Variants in DLG2 observed in about 807,000 individuals in gnomAD.
DLG2 encodes the protein disks large homolog 2.
Under a neutral mutation model 132.5 loss-of-function variants are expected in DLG2, and 45 were observed. That is an observed-to-expected ratio of 0.34 (90% CI 0.27 to 0.44). The LOEUF (loss-of-function observed/expected upper bound fraction) is 0.44. DLG2 is among the 20% of genes least tolerant of loss of function. DLG2 has a pLI of 1.00. For synonymous variants in DLG2, 424 were observed against 419.6 expected (o/e 1.01, Z -0.13); for missense variants, 1,045 against 1,196.9 (o/e 0.87, Z 1.87).
At chr11:85,244,799 T>A (rs943180283) in intron 4 of DLG2, among the ~76,000 whole-genome samples, 10 of 152,010 alleles carry the variant, frequency 6.6e-5, no homozygotes, top group African/African-American at 1.7e-4. Context: ...GATGGTTCAA[T>A]GATTTCTGTG....
chr11:84,273,339 T>TCTGTTA (rs1331683987), intron 7 of DLG2: 1 of 1,322,040 alleles, frequency 7.6e-7, no homozygotes, highest in Non-Finnish European at 9.6e-7. Flanking sequence ...ACCCTGCAGA[T>TCTGTTA]CTGTTACATA....
chr11:85,339,148 T>G (rs1489431996), intron 3 of DLG2, among the ~76,000 whole-genome samples: 1 of 152,196 alleles, frequency 6.6e-6, no homozygotes, highest in East Asian at 1.9e-4. Flanking sequence ...TATTTGACAG[T>G]GTGTTCTGAA....
At chr11:84,760,297 T>G (rs1351351013) in intron 6 of DLG2, among the ~76,000 whole-genome samples, 1 of 152,220 alleles carries the variant, frequency 6.6e-6, no homozygotes, top group Non-Finnish European at 1.5e-5. Context: ...TTGATAAAGG[T>G]TCGGCTTTAG....
At chr11:83,856,917 G>T (rs2060622173) in intron 16 of DLG2, among the ~76,000 whole-genome samples, 1 of 152,098 alleles carries the variant, frequency 6.6e-6, no homozygotes, top group South Asian at 2.1e-4. Flanking sequence ...TATTCTGAAT[G>T]GTATTGCCTA....
chr11:84,981,814 C>T (rs1473201521), intron 6 of DLG2, among the ~76,000 whole-genome samples: 1 of 152,078 alleles, frequency 6.6e-6, no homozygotes, highest in Non-Finnish European at 1.5e-5. Context: ...GTTTCTACTT[C>T]CTCACCTCCC....
intron 4 of DLG2, among the ~76,000 whole-genome samples, chr11:85,191,162 G>GCGCACACACACACACACACACA (rs34410192): frequency 7.2e-6 from 1 of 139,842 alleles, no homozygotes; most frequent in East Asian, 2.1e-4. Context: ...GCGCACGCGC[G>GCGCACACACACACACACACACA]CACACACACA....
rs141380499 is a variant in DLG2, at chr11:83,640,487, G to A, written c.1826-7162C>T. Reference sequence around the variant, plus strand: ...CATGTAATCACTGCTCCAGGGATGAGATGCTGTGAGCAATTATAAATGTTT... The same window carrying A: ...CATGTAATCACTGCTCCAGGGATGAAATGCTGTGAGCAATTATAAATGTTT... On this transcript the variant is annotated intron_variant, in intron 18 of 27. Transcript: ENST00000376104. 2.6e-5 allele frequency among the ~76,000 whole-genome samples: 4 copies of A among 152,316 alleles called. 1 individual carries two copies. The East Asian group carries it at 5.8e-4, about 22-fold the overall frequency.
chr11:84,172,495 A>G (rs1393799291), intron 8 of DLG2, among the ~76,000 whole-genome samples: 1 of 151,522 alleles, frequency 6.6e-6, no homozygotes, highest in Non-Finnish European at 1.5e-5. Flanking sequence ...AGAAAAAATC[A>G]GTATACTATA....
At chr11:84,121,825 T>C (rs1322400705) in intron 9 of DLG2, among the ~76,000 whole-genome samples, 3 of 151,698 alleles carry the variant, frequency 2.0e-5, no homozygotes, top group African/African-American at 2.4e-5. Flanking sequence ...CCTCCCAAAG[T>C]GCTGGGATTA....
intron 11 of DLG2, among the ~76,000 whole-genome samples, chr11:83,990,880 A>G (rs1285270954): frequency 7.8e-6 from 1 of 128,018 alleles, no homozygotes; most frequent in Non-Finnish European, 1.7e-5. Flanking sequence ...TGGTTTTATT[A>G]AAGGAAACAC....
chr11:84,799,273 C>A (rs1299116952), intron 6 of DLG2, among the ~76,000 whole-genome samples: 1 of 152,148 alleles, frequency 6.6e-6, no homozygotes, highest in Non-Finnish European at 1.5e-5. Flanking sequence ...TCTTGCTGTT[C>A]TGGTCCAGAT....
At chr11:85,030,120 C>T (rs1055221554) in intron 6 of DLG2, among the ~76,000 whole-genome samples, 4 of 152,216 alleles carry the variant, frequency 2.6e-5, no homozygotes, top group African/African-American at 9.7e-5. Flanking sequence ...TACTTCATTG[C>T]TCAATTAAAC....
chr11:84,059,017 A>G (rs1042922656), intron 11 of DLG2, among the ~76,000 whole-genome samples: 2 of 152,170 alleles, frequency 1.3e-5, no homozygotes, highest in African/African-American at 4.8e-5. Context: ...TAGTATTAAT[A>G]TGCTAGCTAA....
At chr11:84,927,864 A>C (rs1342670760) in intron 6 of DLG2, among the ~76,000 whole-genome samples, 1 of 151,880 alleles carries the variant, frequency 6.6e-6, no homozygotes, top group African/African-American at 2.4e-5. Context: ...GTATGTTAGG[A>C]ATTTGTTAGA....
At chr11:84,135,274 T>C (rs1210045629) in intron 9 of DLG2, among the ~76,000 whole-genome samples, 2 of 152,108 alleles carry the variant, frequency 1.3e-5, no homozygotes, top group Admixed American at 6.6e-5. Flanking sequence ...AGAATCTAGA[T>C]GGAAAATTTT....
intron 3 of DLG2, among the ~76,000 whole-genome samples, chr11:85,372,344 C>G (rs1453902802): frequency 2.0e-5 from 3 of 152,210 alleles, no homozygotes; most frequent in Non-Finnish European, 4.4e-5. Context: ...GGGTGTGTAA[C>G]AAGACATCCT....
At chr11:85,105,631 C>T (rs768786657) in intron 6 of DLG2, among the ~76,000 whole-genome samples, 5 of 152,052 alleles carry the variant, frequency 3.3e-5, no homozygotes, top group Admixed American at 6.6e-5. Flanking sequence ...AGGTCCTGTA[C>T]GCTGCAATTT....
chr11:83,780,827 G>A (rs1453984350), intron 18 of DLG2, among the ~76,000 whole-genome samples: 2 of 152,196 alleles, frequency 1.3e-5, no homozygotes, highest in Non-Finnish European at 2.9e-5. Context: ...ACACATGCCA[G>A]AAATCAAATC....
chr11:85,519,785 A>T (rs2074132328), intron 3 of DLG2, among the ~76,000 whole-genome samples: 1 of 152,074 alleles, frequency 6.6e-6, no homozygotes, highest in South Asian at 2.1e-4. Flanking sequence ...GAGGTAATTT[A>T]ATCATGGGGT....
Sources: allele counts gnomAD v4.1 joint callset (sites outside exome capture counted in the v4.1 genomes callset), GRCh38; gene constraint gnomAD v4.1.1; transcripts MANE v1.5; gene names NCBI Gene and HGNC (gene_info 2026-07-23, HGNC 2026-07-21).